The following CDYL2 variants were observed in gnomAD, a reference collection of about 807,000 sequenced individuals.
CDYL2 encodes the protein chromodomain Y-like protein 2.
Under a neutral mutation model 49.4 loss-of-function variants are expected in CDYL2, and 23 were observed. That is an observed-to-expected ratio of 0.47 (90% confidence interval 0.34 to 0.66). CDYL2 has a LOEUF of 0.66. CDYL2 is among the 30% of genes least tolerant of loss of function. The probability of loss-of-function intolerance (pLI) is 0.01; values close to 1 mark genes in which losing one functional copy is unlikely to be tolerated. For missense variants in CDYL2, 678 were observed against 656.4 expected (o/e 1.03, Z -0.36); for synonymous variants, 360 against 268.8 (o/e 1.34, Z -3.32).
At chr16:80,671,764 A>G (rs1077886) in intron 2 of CDYL2, among the ~76,000 whole-genome samples, 71,728 of 152,134 alleles carry the variant, frequency 0.47, 19,357 homozygotes, top group Middle Eastern at 0.67. Flanking sequence ...TGACAAAACT[A>G]GAAAATTATG....
intron 2 of CDYL2, chr16:80,639,595 G>C (rs1013413658): frequency 6.8e-6 from 3 of 440,960 alleles, no homozygotes; most frequent in African/African-American, 6.1e-5. Context: ...CCCCCTGCAA[G>C]GACATCAAAT....
At chr16:80,700,424 T>C (rs1283171305) in intron 1 of CDYL2, among the ~76,000 whole-genome samples, 1 of 152,070 alleles carries the variant, frequency 6.6e-6, no homozygotes, top group Non-Finnish European at 1.5e-5. Flanking sequence ...ATATTCACAT[T>C]TGCAACAAAA....
In CDYL2 at chr16:80,791,645, C is replaced by T. The variant is rs151174497; in HGVS notation, c.24+12505G>A. On this transcript the variant is annotated intron_variant, in intron 1 of 6. Coordinates refer to ENST00000570137, the MANE Select transcript of CDYL2 (RefSeq NM_152342.4). ...GCAAAAATGTGACAAGGATTGGTAA[C>T]GGACAGTGTCCCAGTCATTTGGAAG... Among the ~76,000 whole-genome samples, 699 of 152,180 alleles carry T rather than the reference C, an allele frequency of 4.6e-3. 6 individuals carry two copies. Among genetic ancestry groups the T allele is most frequent in the African/African-American group, 0.016 (664 of 41,534 alleles).
At chr16:80,704,753 G>A (rs1904345673) in intron 1 of CDYL2, among the ~76,000 whole-genome samples, 2 of 152,214 alleles carry the variant, frequency 1.3e-5, no homozygotes, top group South Asian at 4.1e-4. Context: ...AAGGAGGAAT[G>A]TGGCCAGTGG....
At chr16:80,784,124 C>T (rs971263672) in intron 1 of CDYL2, among the ~76,000 whole-genome samples, 9 of 152,098 alleles carry the variant, frequency 5.9e-5, no homozygotes, top group African/African-American at 2.2e-4. Flanking sequence ...TCTAATACAA[C>T]CATTAATACA....
intron 1 of CDYL2, among the ~76,000 whole-genome samples, chr16:80,699,992 C>T (rs906324499): frequency 6.6e-5 from 10 of 152,114 alleles, no homozygotes; most frequent in African/African-American, 1.4e-4. Flanking sequence ...CTCAGCCTCC[C>T]GAGTAGCTGG....
intron 1 of CDYL2, among the ~76,000 whole-genome samples, chr16:80,802,846 C>A (rs1907967597): frequency 6.6e-6 from 1 of 152,224 alleles, no homozygotes; most frequent in African/African-American, 2.4e-5. Flanking sequence ...AGGAATCACC[C>A]CCTGCAGTCT....
At chr16:80,703,531 G>C (rs1165109246) in intron 1 of CDYL2, among the ~76,000 whole-genome samples, 1 of 152,104 alleles carries the variant, frequency 6.6e-6, no homozygotes, top group Non-Finnish European at 1.5e-5. Context: ...ATGAGTCAAT[G>C]CCCACCCAGC....
intron 1 of CDYL2, among the ~76,000 whole-genome samples, chr16:80,763,340 G>A (rs1906602318): frequency 6.7e-6 from 1 of 149,140 alleles, no homozygotes; most frequent in Non-Finnish European, 1.5e-5. Flanking sequence ...GCTGGGTGAG[G>A]TGGCTCACAC....
At chr16:80,726,373 T>G (rs544355732) in intron 1 of CDYL2, among the ~76,000 whole-genome samples, 98 of 152,306 alleles carry the variant, frequency 6.4e-4, no homozygotes, top group Non-Finnish European at 1.3e-3. Flanking sequence ...ACTGTATAAA[T>G]CCTACTGTAA....
intron 2 of CDYL2, among the ~76,000 whole-genome samples, chr16:80,644,515 A>C (rs1285337709): frequency 1.3e-5 from 2 of 152,228 alleles, no homozygotes; most frequent in African/African-American, 4.8e-5. Context: ...ACTGGGGAAC[A>C]AAAGAGGTTT....
At chr16:80,636,196 A>G (rs1256385327) in intron 2 of CDYL2, among the ~76,000 whole-genome samples, 2 of 152,236 alleles carry the variant, frequency 1.3e-5, no homozygotes, top group Non-Finnish European at 2.9e-5. Context: ...AGAAAAGCCA[A>G]AATTGACAAA....
At chr16:80,722,003 G>A (rs559054842) in intron 1 of CDYL2, among the ~76,000 whole-genome samples, 1 of 152,186 alleles carries the variant, frequency 6.6e-6, no homozygotes, top group Non-Finnish European at 1.5e-5. Flanking sequence ...CCTTCTTTGA[G>A]GAAGAAGTGG....
In CDYL2 at chr16:80,632,953, T is replaced by C. The variant is rs1057280027; in HGVS notation, c.834+66A>G. 4.8e-6 allele frequency: 7 copies of C among 1,470,326 alleles called. No homozygotes were observed. The African/African-American group carries it at 8.3e-5, about 18-fold the overall frequency. The allele number at this position is 1,470,326 out of a possible 1,614,324, so 91.1% of individuals were successfully genotyped here. On this transcript the variant is annotated intron_variant, in intron 3 of 6. Transcript: ENST00000570137. ...CTGATGGAAGGAAGGAGAAAGCCAATATTCCATTCTGAGTGAGAAGGAGCC... is the reference window on the plus strand; with the variant it reads ...CTGATGGAAGGAAGGAGAAAGCCAACATTCCATTCTGAGTGAGAAGGAGCC...
At chr16:80,658,014 A>C (rs986167093) in intron 2 of CDYL2, among the ~76,000 whole-genome samples, 2 of 152,114 alleles carry the variant, frequency 1.3e-5, no homozygotes, top group South Asian at 4.1e-4. Context: ...TACACAGTAT[A>C]CATTCCAATA....
At chr16:80,769,940 C>T (rs994788974) in intron 1 of CDYL2, among the ~76,000 whole-genome samples, 3 of 152,088 alleles carry the variant, frequency 2.0e-5, no homozygotes, top group African/African-American at 7.2e-5. Context: ...AAGAGGACTA[C>T]ACAACTTTAA....
At chr16:80,662,145 A>C (rs1253188568) in intron 2 of CDYL2, among the ~76,000 whole-genome samples, 1 of 152,198 alleles carries the variant, frequency 6.6e-6, no homozygotes, top group Non-Finnish European at 1.5e-5. Flanking sequence ...TCTGCAATCC[A>C]GTTGATCTCA....
rs964476451 is a variant in CDYL2 at position 80,602,191 on chromosome 16, G to A, written c.*2197C>T. ...GCTCACATTTGCTTTCTCAAAGGAG[G>A]AGATAAGATCCAGATAGAGCTGTGA... On this transcript the variant is annotated 3_prime_UTR_variant, in exon 7 of 7. Transcript: ENST00000570137. 2.6e-5 allele frequency: 4 copies of A among 152,232 alleles called. No individual in the cohort carries two copies. Among genetic ancestry groups the A allele is most frequent in the Non-Finnish European group, 1.5e-5 (1 of 68,038 alleles). The allele number at this position is 152,232 out of a possible 1,614,324, so 9.4% of individuals were successfully genotyped here.
chr16:80,648,833 G>C (rs1423554134), intron 2 of CDYL2, among the ~76,000 whole-genome samples: 2 of 152,066 alleles, frequency 1.3e-5, no homozygotes, highest in African/African-American at 2.4e-5. Flanking sequence ...ATACAAGCAT[G>C]GTTCAACATA....
Sources: allele counts gnomAD v4.1 joint callset (sites outside exome capture counted in the v4.1 genomes callset), GRCh38; gene constraint gnomAD v4.1.1; transcripts MANE v1.5; gene names NCBI Gene and HGNC (gene_info 2026-07-23, HGNC 2026-07-21).